The following MLLT3 variants were observed in gnomAD, a reference collection of about 807,000 sequenced individuals.
The protein encoded by MLLT3 is MLLT3 super elongation complex subunit, also known as protein AF-9.
Under a neutral mutation model 53.2 loss-of-function variants are expected in MLLT3, and 4 were observed. The observed-to-expected ratio is 0.08, with a 90% confidence interval of 0.04 to 0.17. The LOEUF (loss-of-function observed/expected upper bound fraction) is 0.17. MLLT3 is among the 10% of genes least tolerant of loss of function. The probability of loss-of-function intolerance (pLI) is 1.00; values close to 1 mark genes in which losing one functional copy is unlikely to be tolerated. For synonymous variants in MLLT3, 283 were observed against 230.6 expected, an observed-to-expected ratio of 1.23 and a Z score of -2.06; for missense variants, 569 against 684.0, an observed-to-expected ratio of 0.83 and a Z score of 1.87.
chr9:20,491,337 G>C (rs543906964), intron 2 of MLLT3, among the ~76,000 whole-genome samples: 3 of 152,106 alleles, frequency 2.0e-5, no homozygotes, highest in Non-Finnish European at 4.4e-5. Flanking sequence ...CCATGTGAGA[G>C]AGTTTTTTCA....
Position 20,448,057 on chromosome 9 carries a change from TTTG to T in MLLT3, c.420+63_420+65del. On this transcript the variant is annotated intron_variant, in intron 4 of 10. Transcript: ENST00000380338. The surrounding 1 kb of genome is among the most constrained non-coding windows in gnomAD (Gnocchi z 4.0). ...TTTTAACACATGAGGAACTAGTTTG[TTTG>T]TTTTTTTTTTTGTTGTTGTTGTTTT... The T allele has an allele frequency of 2.0e-6, 3 of 1,531,090 alleles. No homozygotes were observed. The highest frequency in any genetic ancestry group is 2.6e-6 in the Non-Finnish European group (3 of 1,136,064). The allele number at this position is 1,531,090 out of a possible 1,614,324, so 94.8% of individuals were successfully genotyped here. A position where few individuals can be genotyped will look rare whatever the true frequency, so the allele number is the denominator to read the frequency against.
intron 2 of MLLT3, among the ~76,000 whole-genome samples, chr9:20,562,504 G>T (rs1342704150): frequency 6.6e-6 from 1 of 151,964 alleles, no homozygotes; most frequent in Non-Finnish European, 1.5e-5. Context: ...CCCACCAATG[G>T]ACCCTTAGCA....
intron 2 of MLLT3, among the ~76,000 whole-genome samples, chr9:20,571,980 C>CATT (rs2131164838): frequency 6.6e-6 from 1 of 152,220 alleles, no homozygotes; most frequent in South Asian, 2.1e-4. Context: ...TTCCTCAAAA[C>CATT]ATTAAAAATA....
At chr9:20,508,148 A>T (rs915698908) in intron 2 of MLLT3, among the ~76,000 whole-genome samples, 2 of 152,196 alleles carry the variant, frequency 1.3e-5, no homozygotes, top group Non-Finnish European at 2.9e-5. Context: ...AAAATACTGC[A>T]ACTTTCCCAT....
intron 2 of MLLT3, among the ~76,000 whole-genome samples, chr9:20,489,928 A>G (rs565067528): frequency 1.3e-5 from 2 of 152,222 alleles, no homozygotes; most frequent in African/African-American, 4.8e-5. Flanking sequence ...AATGAAAAAA[A>G]TAAGGAGAGA....
intron 2 of MLLT3, among the ~76,000 whole-genome samples, chr9:20,474,563 G>A (rs558621222): frequency 3.9e-5 from 6 of 152,032 alleles, no homozygotes; most frequent in East Asian, 1.9e-4. Context: ...TTCATTCGGC[G>A]GAGACCCTGA....
chr9:20,547,688 C>T (rs567983976), intron 2 of MLLT3, among the ~76,000 whole-genome samples: 2 of 150,456 alleles, frequency 1.3e-5, no homozygotes, highest in South Asian at 2.1e-4. Flanking sequence ...CAGTGGCTCA[C>T]GCCTGTAATT....
At chr9:20,502,574 A>G (rs1478010227) in intron 2 of MLLT3, among the ~76,000 whole-genome samples, 1 of 152,232 alleles carries the variant, frequency 6.6e-6, no homozygotes, top group African/African-American at 2.4e-5. Flanking sequence ...ATTATTCCCT[A>G]AGCAATACAG....
chr9:20,432,524 C>T (rs1471717377), intron 4 of MLLT3, among the ~76,000 whole-genome samples: 1 of 152,126 alleles, frequency 6.6e-6, no homozygotes, highest in Non-Finnish European at 1.5e-5. Context: ...TTAGCTGATA[C>T]GTAACTTCAG....
Position 20,344,955 on chromosome 9 carries a change from CTCT to C in MLLT3, c.*1485_*1487del, listed in dbSNP as rs1429220983. 1 of 216,166 alleles carries C rather than the reference CTCT, an allele frequency of 4.6e-6. No individual in the cohort carries two copies. The highest frequency in any genetic ancestry group is 5.8e-5 in the Admixed American group (1 of 17,182). 13.4% of individuals were successfully genotyped at this position (216,166 alleles called of 1,614,324 possible). On this transcript the variant is annotated 3_prime_UTR_variant, in exon 11 of 11. Transcript: ENST00000380338. ...TGGATCCAGAAGTATTTCTTCATTT[CTCT>C]TCTTTTCGGCTGAATTTCTAGTAAA...
At chr9:20,568,253 G>C (rs1035867391) in intron 2 of MLLT3, among the ~76,000 whole-genome samples, 1 of 152,132 alleles carries the variant, frequency 6.6e-6, no homozygotes, top group Admixed American at 6.6e-5. Flanking sequence ...GATGACACAA[G>C]ATTGTGAGTT....
intron 5 of MLLT3, among the ~76,000 whole-genome samples, chr9:20,409,763 T>C (rs910328661): frequency 1.3e-5 from 2 of 152,216 alleles, no homozygotes; most frequent in Non-Finnish European, 2.9e-5. Context: ...TAGGGGAAAT[T>C]TGTTGACAAA....
intron 2 of MLLT3, among the ~76,000 whole-genome samples, chr9:20,497,148 T>G (rs1346749293): frequency 6.6e-6 from 1 of 152,230 alleles, no homozygotes. Context: ...TATCCAGTAG[T>G]AAATGGCAAC....
At chr9:20,606,157 T>C (rs1022666071) in intron 2 of MLLT3, among the ~76,000 whole-genome samples, 1 of 152,154 alleles carries the variant, frequency 6.6e-6, no homozygotes, top group Non-Finnish European at 1.5e-5. Context: ...GTTATGTTCA[T>C]ATAATACACT....
intron 2 of MLLT3, among the ~76,000 whole-genome samples, chr9:20,565,482 C>T (rs1340613094): frequency 6.6e-6 from 1 of 152,010 alleles, no homozygotes; most frequent in East Asian, 1.9e-4. Flanking sequence ...TATAGAACCA[C>T]TGCTATAAGT....
rs554760650 is a variant in MLLT3 at position 20,461,889 on chromosome 9, A to G, written c.194-5103T>C. 1.2e-4 allele frequency among the ~76,000 whole-genome samples: 18 copies of G among 152,294 alleles called. No homozygotes were observed. In the South Asian group the frequency reaches 3.7e-3, roughly 32 times the overall value. On this transcript the variant is annotated intron_variant, in intron 2 of 10. Transcript: ENST00000380338. ...AGAGAGCCCTTCAGGAAGGAAACAC[A>G]TCAAACTCTCTCTATATATAGACTG...
At chr9:20,432,974 C>T (rs2118818912) in intron 4 of MLLT3, among the ~76,000 whole-genome samples, 1 of 152,130 alleles carries the variant, frequency 6.6e-6, no homozygotes. Flanking sequence ...ACAGTAGGCA[C>T]CTGGGGATAC....
intron 4 of MLLT3, among the ~76,000 whole-genome samples, chr9:20,422,482 AC>A (rs1204094569): frequency 6.6e-6 from 1 of 152,210 alleles, no homozygotes; most frequent in Non-Finnish European, 1.5e-5. Context: ...TATAGATATA[AC>A]CACACTTACA....
chr9:20,360,862 T>G, intron 7 of MLLT3, 21 bp from the exon 8 acceptor site: 1 of 1,584,304 alleles, frequency 6.3e-7, no homozygotes, highest in East Asian at 2.2e-5. Context: ...ACAGACAAGT[T>G]ATGCACATCA....
Sources: gnomAD v4.1 joint callset for allele counts (sites outside exome capture counted in the v4.1 genomes callset) on GRCh38, gnomAD v4.1.1 for gene constraint, Gnocchi (gnomAD v3.1) non-coding constraint, MANE v1.5 for transcripts, NCBI Gene and HGNC (gene_info 2026-07-23, HGNC 2026-07-21) for gene names.